Variants in MROH2B observed in about 807,000 individuals in gnomAD.
The protein encoded by MROH2B is maestro heat-like repeat-containing protein family member 2B.
A neutral mutation model predicts 208.6 loss-of-function variants in MROH2B; 177 were observed. The observed-to-expected ratio is 0.85, with a 90% CI of 0.75 to 0.96. MROH2B has a LOEUF of 0.96. Among genes scored for constraint, MROH2B ranks in the 40% least tolerant of loss-of-function variants. MROH2B has a pLI of 0.00. For synonymous variants in MROH2B, 728 were observed against 659.0 expected (o/e 1.10, Z -1.60); for missense variants, 2,002 against 1,878.7 (o/e 1.07, Z -1.21).
intron 37 of MROH2B, among the ~76,000 whole-genome samples, chr5:41,003,067 T>C (rs183958817): frequency 2.6e-4 from 39 of 151,976 alleles, no homozygotes; most frequent in Middle Eastern, 3.4e-3. Context: ...TTCAAGCGAT[T>C]ATCCTGTCTC....
chr5:41,057,011 G>C, intron 9 of MROH2B, 98 bp downstream of exon 9: 3 of 1,192,250 alleles, frequency 2.5e-6, no homozygotes, highest in Non-Finnish European at 3.7e-6. Context: ...TTGTGTGTGT[G>C]AAAGTAAGTT....
chr5:41,026,363 A>T (rs1742360247), intron 24 of MROH2B, among the ~76,000 whole-genome samples: 1 of 152,198 alleles, frequency 6.6e-6, no homozygotes, highest in African/African-American at 2.4e-5. Context: ...TCAATGTGCA[A>T]AAATCACAAG....
chr5:41,022,905 C>G (rs1217403960), intron 24 of MROH2B, among the ~76,000 whole-genome samples: 5 of 151,516 alleles, frequency 3.3e-5, no homozygotes, highest in Non-Finnish European at 7.4e-5. Context: ...TGTTCTGCAG[C>G]CTCCGCTGCT....
chr5:41,056,020 G>A (rs1322116677), intron 9 of MROH2B, among the ~76,000 whole-genome samples, 165 bp from the exon 10 acceptor site: 1 of 152,192 alleles, frequency 6.6e-6, no homozygotes, highest in Non-Finnish European at 1.5e-5. Flanking sequence ...AATTAATTGA[G>A]CAGTTTTGTT....
intron 16 of MROH2B, 33 bp from the exon 17 acceptor site, chr5:41,047,797 AAAAC>A: frequency 6.4e-7 from 1 of 1,552,628 alleles, no homozygotes. Flanking sequence ...TAATCGCAAA[AAAAC>A]AAAACCACCC....
intron 14 of MROH2B, 39 bp from the exon 15 acceptor site, chr5:41,049,180 T>C (rs1743209702): frequency 1.2e-6 from 2 of 1,604,152 alleles, no homozygotes; most frequent in South Asian, 2.2e-5. Flanking sequence ...ACTGCAGGGG[T>C]TAGAGATTGG....
chr5:41,070,835 C>A lies in MROH2B; in HGVS notation c.18G>T (p.Glu6Asp). 6.2e-7 allele frequency: 1 copy of A among 1,611,100 alleles called. No individual in the cohort carries two copies. Among genetic ancestry groups the A allele is most frequent in the Non-Finnish European group, 8.5e-7 (1 of 1,178,562 alleles). Residue 6 changes from glutamate to aspartate, a missense_variant, in exon 1 of 42, where the codon GAG becomes GAT. Glu to Asp is a conservative substitution (Grantham distance 45). Transcript: ENST00000399564. MTLST[E>D]ESIEMFGDIN... ...TCTGATGATGCTTACCTATGGATTC[C>A]TCTGTACTAAGTGTCATGTCTTGGC... is the stretch of plus-strand genomic sequence containing the variant.
Position 41,010,778 on chromosome 5 carries a change from C to T in MROH2B, c.3136-699G>A, listed in dbSNP as rs140572147. 2.4e-3 allele frequency among the ~76,000 whole-genome samples: 362 copies of T among 152,156 alleles called. 1 individual carries two copies. The Middle Eastern group carries it at 0.027, about 11-fold the overall frequency. ...GAACTGCAGTCCATGGAACTGTGGA[C>T]TTTGGGTGATAGCGATGTGTCAATG... On this transcript the variant is annotated intron_variant, in intron 30 of 41. Transcript: ENST00000399564.
chr5:41,040,120 T>A lies in MROH2B; in HGVS notation c.1954-565A>T, dbSNP rs1226924460. On this transcript the variant is annotated intron_variant, in intron 19 of 41. Coordinates refer to ENST00000399564, the MANE Select transcript of MROH2B (RefSeq NM_173489.5). ...TTAGGCCGTCCCCAAGATTTTGGAC[T>A]TGTAATCTATGATTGCTGGGAAGCT... 2.0e-5 allele frequency among the ~76,000 whole-genome samples: 3 copies of A among 152,334 alleles called. No homozygotes were observed. The South Asian group carries it at 6.2e-4, about 32-fold the overall frequency.
intron 37 of MROH2B, 88 bp from the exon 38 acceptor site, chr5:41,000,921 G>A (rs2167229): frequency 0.68 from 958,800 of 1,405,224 alleles, 328,856 homozygotes; most frequent in Non-Finnish European, 0.7. Context: ...CACCCTTCCC[G>A]CTTCAGCAAA....
chr5:41,026,737 C>T (rs930240694), intron 24 of MROH2B, among the ~76,000 whole-genome samples: 6 of 152,146 alleles, frequency 3.9e-5, no homozygotes, highest in Non-Finnish European at 7.3e-5. Flanking sequence ...CAAGACAATC[C>T]TAAGCCAAAA....
chr5:41,024,541 C>T lies in MROH2B; in HGVS notation c.2442-5523G>A, dbSNP rs1469245999. 1.4e-4 allele frequency among the ~76,000 whole-genome samples: 22 copies of T among 152,192 alleles called. No individual in the cohort carries two copies. In the East Asian group the frequency reaches 4.1e-3, roughly 28 times the overall value. ...AGCACCAAGATTCATAAAGCAAGTC[C>T]TGAGTGACCTACAAAGAGACTTAGA... On this transcript the variant is annotated intron_variant, in intron 24 of 41. Coordinates refer to ENST00000399564, the MANE Select transcript of MROH2B (RefSeq NM_173489.5).
Position 41,018,755 on chromosome 5 carries a change from C to A in MROH2B, c.2609G>T (p.Gly870Val). The A allele has an allele frequency of 6.2e-7, 1 of 1,613,746 alleles. No homozygotes were observed. Among genetic ancestry groups the A allele is most frequent in the Non-Finnish European group, 8.5e-7 (1 of 1,179,814 alleles). Reference protein sequence around the residue: ...FLYERSMDALGKLLKTMMWDN... With the variant: ...FLYERSMDALVKLLKTMMWDN... ...CCACATCATGGTCTTCAGAAGTTTT[C>A]CTAGGGCGTCCATGGATCGTTCATA... Residue 870 changes from glycine to valine, a missense_variant, in exon 26 of 42, where the codon GGA becomes GTA. Physicochemically the swap from Gly to Val is moderately radical, Grantham distance 109 (BLOSUM62 -3). Transcript: ENST00000399564.
chr5:41,033,957 G>A lies in MROH2B; in HGVS notation c.2215-93C>T, dbSNP rs1742669647. 1.2e-5 allele frequency: 18 copies of A among 1,454,398 alleles called. No individual in the cohort carries two copies. In the South Asian group the frequency reaches 1.9e-4, roughly 15 times the overall value. 90.1% of individuals were successfully genotyped at this position (1,454,398 alleles called of 1,614,324 possible). ...AAAGGACTCACCCATCAACCTGAAGGACAATAGTAAAGCAGGAGGTAGAGC... is the reference window on the plus strand; with the variant it reads ...AAAGGACTCACCCATCAACCTGAAGAACAATAGTAAAGCAGGAGGTAGAGC... On this transcript the variant is annotated intron_variant, in intron 21 of 41. Coordinates refer to ENST00000399564, the MANE Select transcript of MROH2B (RefSeq NM_173489.5).
intron 6 of MROH2B, among the ~76,000 whole-genome samples, chr5:41,060,270 A>G (rs544839538): frequency 1.3e-5 from 2 of 152,256 alleles, no homozygotes; most frequent in South Asian, 2.1e-4. Context: ...AGGTAGTCTT[A>G]TCTTAGTCCA....
intron 23 of MROH2B, 53 bp from the exon 24 acceptor site, chr5:41,032,874 C>A: frequency 6.4e-7 from 1 of 1,574,760 alleles, no homozygotes; most frequent in South Asian, 1.2e-5. Context: ...GGAAAGTTAC[C>A]AGATGCAGCT....
chr5:41,013,311 G>A (rs190947279), intron 29 of MROH2B, among the ~76,000 whole-genome samples: 1 of 152,288 alleles, frequency 6.6e-6, no homozygotes, highest in East Asian at 1.9e-4. Context: ...CTTTGCAATT[G>A]TTGTCTCTAG....
intron 39 of MROH2B, 170 bp from the exon 40 acceptor site, chr5:40,999,949 G>A (rs1388199044): frequency 1.0e-5 from 7 of 686,246 alleles, no homozygotes; most frequent in Non-Finnish European, 1.2e-5. Flanking sequence ...ATTTAATCAG[G>A]AAGCCATCAG....
rs908816657 is a variant in MROH2B at position 41,064,613 on chromosome 5, T to C, written c.362-43A>G. ...AAGGAGACAAGTGTTATTTATCTTCTCAAATTTGGGGTTCTGTGACTCCAA... is the reference window on the plus strand; with the variant it reads ...AAGGAGACAAGTGTTATTTATCTTCCCAAATTTGGGGTTCTGTGACTCCAA... On this transcript the variant is annotated intron_variant, in intron 4 of 41. Transcript: ENST00000399564. 6 of 1,518,964 alleles carry C rather than the reference T, an allele frequency of 4.0e-6. No homozygotes were observed. In the African/African-American group the frequency reaches 8.2e-5, roughly 21 times the overall value. 94.1% of individuals were successfully genotyped at this position (1,518,964 alleles called of 1,614,324 possible).
Sources: gnomAD v4.1 joint callset for allele counts (sites outside exome capture counted in the v4.1 genomes callset) on GRCh38, gnomAD v4.1.1 for gene constraint, MANE v1.5 for transcripts, NCBI Gene and HGNC (gene_info 2026-07-23, HGNC 2026-07-21) for gene names.